RABGAP1: variants seen among roughly 807,000 people sequenced by gnomAD.
The protein encoded by RABGAP1 is RAB GTPase activating protein 1.
In RABGAP1, 23 loss-of-function variants were observed where a neutral mutation model predicts 137.6. That is an observed-to-expected ratio of 0.17 (90% CI 0.12 to 0.24). The LOEUF is 0.24. Among genes scored for constraint, RABGAP1 ranks in the 10% least tolerant of loss-of-function variants. RABGAP1 has a pLI of 1.00. For missense variants in RABGAP1, 906 were observed against 1,275.8 expected, an observed-to-expected ratio of 0.71 and a Z score of 4.42; for synonymous variants, 451 against 450.7, an observed-to-expected ratio of 1.00 and a Z score of -0.01.
intron 13 of RABGAP1, among the ~76,000 whole-genome samples, chr9:123,038,394 C>T (rs1346545358): frequency 1.3e-5 from 2 of 152,042 alleles, no homozygotes; most frequent in African/African-American, 4.8e-5. Flanking sequence ...AAATGCATTG[C>T]CCACCTCCTT....
At chr9:122,950,839 G>A (rs1250884080) in intron 1 of RABGAP1, among the ~76,000 whole-genome samples, 1 of 152,202 alleles carries the variant, frequency 6.6e-6, no homozygotes, top group East Asian at 1.9e-4. Context: ...GATAGCCAGT[G>A]AAAAGAAGGA....
At chr9:123,043,083 T>C (rs7020814) in intron 13 of RABGAP1, among the ~76,000 whole-genome samples, 16,611 of 152,106 alleles carry the variant, frequency 0.11, 2,933 homozygotes, top group African/African-American at 0.37. Flanking sequence ...GTCATTCAAG[T>C]GTGAGGGTAA....
At chr9:123,058,199 A>G (rs912933467) in intron 13 of RABGAP1, among the ~76,000 whole-genome samples, 1 of 152,236 alleles carries the variant, frequency 6.6e-6, no homozygotes, top group African/African-American at 2.4e-5. Flanking sequence ...ATAGCTGCAT[A>G]TCCCAAAGCT....
At chr9:122,972,334 AT>A (rs1292131208) in intron 2 of RABGAP1, among the ~76,000 whole-genome samples, 11 of 152,134 alleles carry the variant, frequency 7.2e-5, no homozygotes, top group South Asian at 2.1e-4. Context: ...GATTAAAACT[AT>A]TTCTCTTGAT....
intron 11 of RABGAP1, 89 bp downstream of exon 11, chr9:123,010,617 C>A: frequency 1.6e-6 from 2 of 1,220,934 alleles, no homozygotes; most frequent in Non-Finnish European, 2.3e-6. Flanking sequence ...TAATGTGATA[C>A]GGCATTTATA....
intron 1 of RABGAP1, among the ~76,000 whole-genome samples, chr9:122,947,454 T>C (rs531513425): frequency 4.1e-4 from 62 of 152,326 alleles, no homozygotes; most frequent in Non-Finnish European, 7.5e-4. Context: ...AATTGTACAC[T>C]TCCGTGGCTA....
rs2035419665 is a variant in RABGAP1 at position 123,103,922 on chromosome 9, C to T, written c.*709C>T. The T allele has an allele frequency of 1.3e-5, 2 of 150,014 alleles. No homozygotes were observed. Among genetic ancestry groups the T allele is most frequent in the Admixed American group, 1.3e-4 (2 of 14,890 alleles). 9.3% of individuals were successfully genotyped at this position (150,014 alleles called of 1,614,324 possible). ...TGGGGTGGGTGACTTGACTGTGAGACTGGATTATAACATGGACAAATCTTA... is the reference window on the plus strand; with the variant it reads ...TGGGGTGGGTGACTTGACTGTGAGATTGGATTATAACATGGACAAATCTTA... On this transcript the variant is annotated 3_prime_UTR_variant, in exon 26 of 26. Transcript: ENST00000373647.
chr9:123,067,817 A>G (rs900416910), intron 14 of RABGAP1, among the ~76,000 whole-genome samples: 2 of 152,212 alleles, frequency 1.3e-5, no homozygotes, highest in Non-Finnish European at 2.9e-5. Context: ...TTCCAAATGT[A>G]TCATATAATT....
At chr9:123,049,715 C>A (rs930758115) in intron 13 of RABGAP1, among the ~76,000 whole-genome samples, 18 of 152,154 alleles carry the variant, frequency 1.2e-4, no homozygotes, top group Non-Finnish European at 1.5e-5. Context: ...GCACTAAGTC[C>A]CAAACAGGAA....
intron 6 of RABGAP1, among the ~76,000 whole-genome samples, chr9:122,994,605 T>A (rs985995141): frequency 2.6e-5 from 4 of 152,228 alleles, no homozygotes; most frequent in Admixed American, 6.5e-5. Flanking sequence ...AGTATTTCTT[T>A]AGGGCTACCT....
chr9:123,101,205 A>C (rs2035334814), intron 24 of RABGAP1, among the ~76,000 whole-genome samples: 1 of 152,232 alleles, frequency 6.6e-6, no homozygotes, highest in African/African-American at 2.4e-5. Context: ...AATATAGCAC[A>C]GTATATTTAA....
At chr9:123,080,399 A>C (rs2034670029) in intron 19 of RABGAP1, among the ~76,000 whole-genome samples, 1 of 152,242 alleles carries the variant, frequency 6.6e-6, no homozygotes, top group African/African-American at 2.4e-5. Context: ...GCCTGAAAAG[A>C]GTACAGATTC....
At chr9:123,075,579 T>G (rs1319464400) in intron 17 of RABGAP1, among the ~76,000 whole-genome samples, 1 of 152,226 alleles carries the variant, frequency 6.6e-6, no homozygotes, top group Non-Finnish European at 1.5e-5. Context: ...TGTAACCAAT[T>G]TCTAATCACA....
At chr9:122,960,191 G>T (rs1834775504) in intron 2 of RABGAP1, among the ~76,000 whole-genome samples, 1 of 152,194 alleles carries the variant, frequency 6.6e-6, no homozygotes, top group African/African-American at 2.4e-5. Context: ...CAGCTGGGAG[G>T]AGATCACCAA....
At chr9:123,055,281 C>G (rs2033645677) in intron 13 of RABGAP1, among the ~76,000 whole-genome samples, 2 of 152,112 alleles carry the variant, frequency 1.3e-5, no homozygotes, top group Admixed American at 6.5e-5. Context: ...AGCTTTGACC[C>G]CCCAGGCTCA....
At chr9:123,055,720 T>C (rs1439390144) in intron 13 of RABGAP1, among the ~76,000 whole-genome samples, 1 of 151,996 alleles carries the variant, frequency 6.6e-6, no homozygotes, top group East Asian at 1.9e-4. Flanking sequence ...TGGCTAATTT[T>C]TGTATTTTTA....
At chr9:122,951,255 A>G (rs1321067598) in intron 1 of RABGAP1, among the ~76,000 whole-genome samples, 1 of 152,184 alleles carries the variant, frequency 6.6e-6, no homozygotes. Flanking sequence ...AATTATTAGT[A>G]TCACCCACAC....
chr9:123,039,765 C>T (rs1326000443), intron 13 of RABGAP1, among the ~76,000 whole-genome samples: 1 of 152,074 alleles, frequency 6.6e-6, no homozygotes, highest in African/African-American at 2.4e-5. Context: ...GCTCTGGATC[C>T]AGATAAAGCT....
intron 2 of RABGAP1, among the ~76,000 whole-genome samples, chr9:122,983,180 AC>A (rs1258572733): frequency 6.6e-5 from 10 of 151,994 alleles, no homozygotes; most frequent in Middle Eastern, 3.4e-3. Context: ...AAAAAAAAAA[AC>A]AAAAACTTTT....
Sources: gnomAD v4.1 joint callset for allele counts (sites outside exome capture counted in the v4.1 genomes callset) on GRCh38, gnomAD v4.1.1 for gene constraint, MANE v1.5 for transcripts, NCBI Gene and HGNC (gene_info 2026-07-23, HGNC 2026-07-21) for gene names.